MYRFL: variants seen among roughly 807,000 people sequenced by gnomAD.
MYRFL encodes the protein myelin regulatory factor-like protein.
In MYRFL, 88 loss-of-function variants were observed where a neutral mutation model predicts 109.4. The observed-to-expected ratio is 0.80, with a 90% confidence interval of 0.68 to 0.96. The LOEUF (loss-of-function observed/expected upper bound fraction) is 0.96, where lower values mean the gene tolerates loss of function less well. Ranked by LOEUF, MYRFL falls within the 40% of genes least tolerant of loss-of-function variation. The pLI, the probability that MYRFL is intolerant of heterozygous loss-of-function variation, is 0.00. For synonymous variants in MYRFL, 324 were observed against 320.9 expected, an observed-to-expected ratio of 1.01 and a Z score of -0.10; for missense variants, 957 against 954.9, an observed-to-expected ratio of 1.00 and a Z score of -0.03.
intron 1 of MYRFL, among the ~76,000 whole-genome samples, chr12:69,835,529 C>T (rs1020785965): frequency 6.6e-6 from 1 of 152,180 alleles, no homozygotes; most frequent in Non-Finnish European, 1.5e-5. Context: ...TGTATTAAAA[C>T]AGTGCAAAAG....
chr12:69,946,344 T>G (rs1955840247), intron 19 of MYRFL, among the ~76,000 whole-genome samples: 1 of 152,190 alleles, frequency 6.6e-6, no homozygotes, highest in Non-Finnish European at 1.5e-5. Flanking sequence ...CTCTTCCTTT[T>G]GTCAACTGGA....
intron 8 of MYRFL, among the ~76,000 whole-genome samples, 157 bp downstream of exon 8, chr12:69,893,997 T>TTC (rs1450411194): frequency 8.2e-5 from 11 of 134,482 alleles, no homozygotes; most frequent in African/African-American, 2.9e-4. Context: ...TAATTTTTTT[T>TTC]TTTTTTTTTT....
In MYRFL at chr12:69,958,492, C is replaced by G; in HGVS notation, c.2694C>G (p.Phe898Leu). Residue 898 changes from phenylalanine to leucine, a missense_variant, in exon 25 of 25, where the codon TTC becomes TTG. Phe to Leu is a conservative substitution (Grantham distance 22, BLOSUM62 0). Coordinates refer to ENST00000552032, the MANE Select transcript of MYRFL (RefSeq NM_182530.3). ...ATCCTTATTTTGCTGGGATATTCTT[C>G]ACCGATTACTTCTTTTACTTCTATC... The part of the protein sequence containing the change: ...STDPYFAGIF[F>L]TDYFFYFYRR... 6.5e-7 allele frequency: 1 copy of G among 1,535,244 alleles called. No individual in the cohort carries two copies.
chr12:69,942,791 T>C lies in MYRFL; in HGVS notation c.2224+6159T>C, dbSNP rs1955703346. Among the ~76,000 whole-genome samples, 5 of 151,642 alleles carry C rather than the reference T, an allele frequency of 3.3e-5. No individual in the cohort carries two copies. In the South Asian group the frequency reaches 6.3e-4, roughly 19 times the overall value. The stretch of plus-strand genomic sequence containing the variant: ...TGATTGTATATCTAGAAAACCCCAT[T>C]GTCTCAGCCCAAAATCTCCTTAAGC... On this transcript the variant is annotated intron_variant, in intron 19 of 24. Coordinates refer to ENST00000552032, the MANE Select transcript of MYRFL (RefSeq NM_182530.3).
chr12:69,897,156 A>G lies in MYRFL; in HGVS notation c.1092A>G (p.Arg364=), dbSNP rs769926896. The G allele has an allele frequency of 6.5e-7, 1 of 1,534,344 alleles. No homozygotes were observed. The highest frequency in any genetic ancestry group is 1.2e-5 in the South Asian group (1 of 84,024). Residue 364 remains arginine (R), a splice_region_variant and synonymous_variant, in exon 10 of 25, where the codon AGA becomes AGG. Coordinates refer to ENST00000552032, the MANE Select transcript of MYRFL (RefSeq NM_182530.3). ...CATTGGTCTGCTGTCTCTGAATTAG[A>G]TACTTCATGTTGGTGGTTGGACTGT... ...RKKGKPNPDQ[R]YFMLVVGLYA...
Position 69,879,201 on chromosome 12 carries a change from G to A in MYRFL, c.212G>A (p.Cys71Tyr), listed in dbSNP as rs1190882883. 4 of 702,792 alleles carry A rather than the reference G, an allele frequency of 5.7e-6. No homozygotes were observed. Among genetic ancestry groups the A allele is most frequent in the Non-Finnish European group, 1.0e-5 (4 of 384,798 alleles). The allele number at this position is 702,792 out of a possible 1,614,324, so 43.5% of individuals were successfully genotyped here. A position where few individuals can be genotyped will look rare whatever the true frequency, so the allele number is the denominator to read the frequency against. ...SCSPPQVKGA[C>Y]YPTLRPTAGR... is the part of the protein sequence containing the mutation. ...TGCTTGTGTCTCTCCCCAGGTGCAT[G>A]CTACCCAACCCTGAGGCCCACAGCT... Residue 71 changes from cysteine (C) to tyrosine (Y), a missense_variant, in exon 4 of 25, where the codon TGC becomes TAC. Physicochemically the swap from Cys to Tyr is radical, Grantham distance 194 (BLOSUM62 -2). Coordinates refer to ENST00000552032, the MANE Select transcript of MYRFL (RefSeq NM_182530.3).
At chr12:69,872,185 C>T (rs1306315869) in intron 2 of MYRFL, among the ~76,000 whole-genome samples, 1 of 152,106 alleles carries the variant, frequency 6.6e-6, no homozygotes, top group Non-Finnish European at 1.5e-5. Flanking sequence ...TCAGTTTTAG[C>T]TATTATTCAT....
At chr12:69,887,340 GC>G (rs2136336314) in intron 6 of MYRFL, among the ~76,000 whole-genome samples, 1 of 152,202 alleles carries the variant, frequency 6.6e-6, no homozygotes, top group African/African-American at 2.4e-5. Context: ...TTTTCTGGGG[GC>G]CACATTAAAT....
At chr12:69,923,819 CTTAT>C (rs754556830) in intron 13 of MYRFL, among the ~76,000 whole-genome samples, 16 of 151,964 alleles carry the variant, frequency 1.1e-4, no homozygotes, top group Non-Finnish European at 2.4e-4. Flanking sequence ...CCCAATTAGG[CTTAT>C]TTGTTTTATT....
chr12:69,856,062 A>G (rs1022787298), intron 2 of MYRFL, among the ~76,000 whole-genome samples: 1 of 152,104 alleles, frequency 6.6e-6, no homozygotes, highest in Non-Finnish European at 1.5e-5. Context: ...AAATTTCCCT[A>G]TGCCGTTCAT....
Position 69,895,467 on chromosome 12 carries a change from A to G in MYRFL, c.1077A>G (p.Pro359=), listed in dbSNP as rs565449144. ...TANNMRKKGK[P]NPDQRYFMLV... is the part of the protein sequence containing the mutation. Reference sequence around the variant, plus strand: ...ATAATATGAGAAAAAAGGGAAAACCAAATCCAGACCAGAGGTACTGATGTC... The same window carrying G: ...ATAATATGAGAAAAAAGGGAAAACCGAATCCAGACCAGAGGTACTGATGTC... Residue 359 remains proline, a synonymous_variant, in exon 9 of 25, where the codon CCA becomes CCG. Coordinates refer to ENST00000552032, the MANE Select transcript of MYRFL (RefSeq NM_182530.3). 1.2e-4 allele frequency: 190 copies of G among 1,535,684 alleles called. 1 individual carries two copies. In the Middle Eastern group the frequency reaches 2.8e-3, roughly 23 times the overall value.
chr12:69,898,611 C>G (rs1395299166), intron 10 of MYRFL, among the ~76,000 whole-genome samples: 1 of 152,182 alleles, frequency 6.6e-6, no homozygotes, highest in Non-Finnish European at 1.5e-5. Context: ...AGTCTGGAAA[C>G]CCAGGTTGCA....
intron 13 of MYRFL, among the ~76,000 whole-genome samples, chr12:69,925,837 T>C (rs1170847546): frequency 6.6e-6 from 1 of 152,194 alleles, no homozygotes; most frequent in Non-Finnish European, 1.5e-5. Flanking sequence ...CAATAGTTCA[T>C]TGGATTTTGA....
chr12:69,839,741 T>C (rs2136316124), intron 1 of MYRFL, among the ~76,000 whole-genome samples: 1 of 152,358 alleles, frequency 6.6e-6, no homozygotes. Flanking sequence ...TATTGGTACA[T>C]AATAAGAGTT....
intron 1 of MYRFL, among the ~76,000 whole-genome samples, chr12:69,853,995 C>T (rs1350543549): frequency 3.3e-5 from 5 of 152,172 alleles, no homozygotes; most frequent in African/African-American, 7.2e-5. Flanking sequence ...CCAAGGCAGG[C>T]GGCTGGGAGG....
At position 69,910,818 on chromosome 12, in the gene MYRFL, C is replaced by G. The variant is rs1954544090; in HGVS notation, c.1493-3C>G. The G allele has an allele frequency of 1.3e-6, 2 of 1,530,552 alleles. No individual in the cohort carries two copies. The highest frequency in any genetic ancestry group is 8.8e-7 in the Non-Finnish European group (1 of 1,142,350). 94.8% of individuals were successfully genotyped at this position (1,530,552 alleles called of 1,614,324 possible). A position where few individuals can be genotyped will look rare whatever the true frequency, so the allele number is the denominator to read the frequency against. On this transcript the variant is annotated splice_region_variant and splice_polypyrimidine_tract_variant and intron_variant, in intron 12 of 24. Coordinates refer to ENST00000552032, the MANE Select transcript of MYRFL (RefSeq NM_182530.3). ...TTAAACCTGTGGAGTGTTTTGTATACAGGAATGATTGCCCAGGAGGTGCAA... is the reference window on the plus strand; with the variant it reads ...TTAAACCTGTGGAGTGTTTTGTATAGAGGAATGATTGCCCAGGAGGTGCAA...
At chr12:69,904,605 T>G (rs1954295671) in intron 11 of MYRFL, among the ~76,000 whole-genome samples, 1 of 152,206 alleles carries the variant, frequency 6.6e-6, no homozygotes, top group African/African-American at 2.4e-5. Flanking sequence ...TTTAACCAGT[T>G]GAACTGAATC....
intron 2 of MYRFL, among the ~76,000 whole-genome samples, chr12:69,866,264 G>A (rs533947100): frequency 6.6e-6 from 1 of 152,132 alleles, no homozygotes; most frequent in East Asian, 1.9e-4. Context: ...TTAAAGGAGA[G>A]CCCTATGATC....
chr12:69,914,901 TA>T (rs1300427488), intron 13 of MYRFL, among the ~76,000 whole-genome samples: 2 of 152,168 alleles, frequency 1.3e-5, no homozygotes, highest in African/African-American at 4.8e-5. Flanking sequence ...GAGATGTCAC[TA>T]AGGCCACACT....
Sources: allele counts gnomAD v4.1 joint callset (sites outside exome capture counted in the v4.1 genomes callset), GRCh38; gene constraint gnomAD v4.1.1; transcripts MANE v1.5; gene names NCBI Gene and HGNC (gene_info 2026-07-23, HGNC 2026-07-21).